Variants in NPAS3 observed in about 807,000 individuals in gnomAD.
NPAS3 encodes the protein neuronal PAS domain protein 3.
NPAS3 carries 14 observed loss-of-function variants against 73.1 expected under a neutral mutation model. The observed-to-expected ratio is 0.19, with a 90% CI of 0.13 to 0.30. NPAS3 has a LOEUF of 0.30. Ranked by LOEUF, NPAS3 falls within the 10% of genes least tolerant of loss-of-function variation. The pLI is 1.00. For synonymous variants in NPAS3, 620 were observed against 541.5 expected (o/e 1.14, Z -2.01); for missense variants, 1,096 against 1,250.0 (o/e 0.88, Z 1.86).
intron 1 of NPAS3, among the ~76,000 whole-genome samples, chr14:32,998,192 A>C (rs2383415): frequency 0.037 from 5,669 of 152,334 alleles, 375 homozygotes; most frequent in African/African-American, 0.13. Context: ...AATATTATTC[A>C]GCAATAAAAA....
intron 3 of NPAS3, among the ~76,000 whole-genome samples, chr14:33,310,026 C>G (rs2140188905): frequency 6.6e-6 from 1 of 152,214 alleles, no homozygotes; most frequent in Non-Finnish European, 1.5e-5. Flanking sequence ...ACCTTTACTA[C>G]TGTAAGAAGA....
chr14:33,531,509 C>T lies in NPAS3; in HGVS notation c.469-28612C>T, dbSNP rs139375568. ...AGCGTAATGCACTTGAGACTCATATCGGTAATTCCTTTTTATTGCTGAGTG... is the reference window on the plus strand; with the variant it reads ...AGCGTAATGCACTTGAGACTCATATTGGTAATTCCTTTTTATTGCTGAGTG... On this transcript the variant is annotated intron_variant, in intron 4 of 11. Transcript: ENST00000356141. Among the ~76,000 whole-genome samples the T allele has an allele frequency of 1.7e-3, 256 of 152,184 alleles. 1 individual carries two copies. Among genetic ancestry groups the T allele is most frequent in the African/African-American group, 5.3e-3 (220 of 41,546 alleles).
chr14:33,388,449 A>G (rs1343325162), intron 4 of NPAS3, among the ~76,000 whole-genome samples: 2 of 151,128 alleles, frequency 1.3e-5, no homozygotes, highest in African/African-American at 4.8e-5. Context: ...GGCACTCGTG[A>G]AAAAAAAATT....
rs564037589 is a variant in NPAS3 at position 33,023,092 on chromosome 14, T to A, written c.51-32813T>A. ...ACAAAAATAGTGGCAAACACAAATT[T>A]AAAAAAAAAAGAAAAGAGGCCACAC... On this transcript the variant is annotated intron_variant, in intron 1 of 11. Transcript: ENST00000356141. Among the ~76,000 whole-genome samples the A allele has an allele frequency of 2.9e-3, 426 of 148,520 alleles. 14 individuals carry two copies. The East Asian group carries it at 0.072, about 25-fold the overall frequency.
At chr14:33,046,241 G>A (rs549071949) in intron 1 of NPAS3, among the ~76,000 whole-genome samples, 26 of 152,272 alleles carry the variant, frequency 1.7e-4, no homozygotes, top group Middle Eastern at 3.4e-3. Flanking sequence ...GTGAGGCTGC[G>A]AGTGGTGTGG....
chr14:33,622,879 C>T (rs925312695), intron 5 of NPAS3, among the ~76,000 whole-genome samples: 23 of 152,022 alleles, frequency 1.5e-4, no homozygotes, highest in African/African-American at 5.6e-4. Flanking sequence ...TCTACTTGCC[C>T]GGCACCCAAT....
intron 2 of NPAS3, among the ~76,000 whole-genome samples, chr14:33,160,711 T>G (rs569390443): frequency 2.6e-5 from 4 of 151,842 alleles, no homozygotes; most frequent in African/African-American, 7.2e-5. Context: ...TTTCTAAAGG[T>G]TATGATTCTG....
chr14:33,571,121 G>A (rs2056191152), intron 5 of NPAS3, among the ~76,000 whole-genome samples: 1 of 152,196 alleles, frequency 6.6e-6, no homozygotes, highest in African/African-American at 2.4e-5. Flanking sequence ...GTTTCTGGCT[G>A]GATCCTTTTG....
chr14:33,443,699 G>A (rs1013642825), intron 4 of NPAS3, among the ~76,000 whole-genome samples: 2 of 152,330 alleles, frequency 1.3e-5, no homozygotes, highest in African/African-American at 2.4e-5. Context: ...AGGAGGTCAC[G>A]CTGTGACTGA....
chr14:33,544,788 T>TTATACATATATATATATATA (rs1555409892), intron 4 of NPAS3, among the ~76,000 whole-genome samples: 19 of 63,264 alleles, frequency 3.0e-4, no homozygotes, highest in African/African-American at 1.6e-3. Context: ...TGTGTGTGTA[T>TTATACATATATATATATATA]TATATATATA....
intron 3 of NPAS3, among the ~76,000 whole-genome samples, chr14:33,355,531 C>G (rs1057144807): frequency 1.3e-5 from 2 of 152,206 alleles, no homozygotes; most frequent in African/African-American, 4.8e-5. Context: ...ACCCCTTGAC[C>G]TCATGATCCG....
intron 4 of NPAS3, among the ~76,000 whole-genome samples, chr14:33,457,484 T>C (rs2050073639): frequency 6.6e-6 from 1 of 152,224 alleles, no homozygotes. Context: ...TTCTGCATCC[T>C]CTGTGCATGC....
chr14:33,742,229 C>T (rs917437923), intron 7 of NPAS3, among the ~76,000 whole-genome samples: 2 of 152,148 alleles, frequency 1.3e-5, no homozygotes, highest in African/African-American at 4.8e-5. Flanking sequence ...TAGCTGCAGA[C>T]ACCCCACATT....
At chr14:33,456,638 G>A (rs2050035429) in intron 4 of NPAS3, among the ~76,000 whole-genome samples, 2 of 152,074 alleles carry the variant, frequency 1.3e-5, no homozygotes, top group South Asian at 2.1e-4. Context: ...GCTTTATAAC[G>A]ACTCATATAT....
chr14:33,312,886 G>A (rs1383767067), intron 3 of NPAS3, among the ~76,000 whole-genome samples: 1 of 151,982 alleles, frequency 6.6e-6, no homozygotes, highest in Non-Finnish European at 1.5e-5. Context: ...AGACATTTGA[G>A]GTTATGATTT....
chr14:33,343,116 G>A (rs1001841201), intron 3 of NPAS3, among the ~76,000 whole-genome samples: 31 of 152,162 alleles, frequency 2.0e-4, no homozygotes, highest in African/African-American at 6.7e-4. Flanking sequence ...TTGAAATTCC[G>A]CAAATAACAT....
chr14:33,010,938 C>A (rs1291220387), intron 1 of NPAS3, among the ~76,000 whole-genome samples: 584 of 120,080 alleles, frequency 4.9e-3, no homozygotes, highest in East Asian at 6.2e-3. Flanking sequence ...GAACCTGTCT[C>A]AAAAAAAAAA....
chr14:32,953,261 T>C (rs2036554727), intron 1 of NPAS3, among the ~76,000 whole-genome samples: 1 of 152,194 alleles, frequency 6.6e-6, no homozygotes, highest in Non-Finnish European at 1.5e-5. Flanking sequence ...AGACTTGGGT[T>C]GAACCAAACC....
At chr14:33,635,495 T>A (rs2058489261) in intron 5 of NPAS3, among the ~76,000 whole-genome samples, 1 of 152,140 alleles carries the variant, frequency 6.6e-6, no homozygotes, top group African/African-American at 2.4e-5. Context: ...GTTTATGGAT[T>A]GAAAGGAAGG....
Sources: allele counts gnomAD v4.1 joint callset (sites outside exome capture counted in the v4.1 genomes callset), GRCh38; gene constraint gnomAD v4.1.1; transcripts MANE v1.5; gene names NCBI Gene and HGNC (gene_info 2026-07-23, HGNC 2026-07-21).